TTC7A: variants seen among roughly 807,000 people sequenced by gnomAD.
TTC7A encodes the protein tetratricopeptide repeat domain 7A, also known as tetratricopeptide repeat protein 7A.
Under a neutral mutation model 103.7 loss-of-function variants are expected in TTC7A, and 110 were observed. The ratio of observed to expected loss-of-function variants is 1.06; its 90% CI spans 0.91 to 1.24. TTC7A has a LOEUF of 1.24. Among genes scored for constraint, TTC7A ranks in the 50% most tolerant of loss-of-function variants. The pLI is 0.00. For synonymous variants in TTC7A, 521 were observed against 467.9 expected, an observed-to-expected ratio of 1.11 and a Z score of -1.47; for missense variants, 1,340 against 1,116.3, an observed-to-expected ratio of 1.20 and a Z score of -2.86.
At chr2:46,986,000 C>A (rs914273755) in intron 5 of TTC7A, among the ~76,000 whole-genome samples, 20 of 152,310 alleles carry the variant, frequency 1.3e-4, no homozygotes, top group African/African-American at 4.8e-4. Flanking sequence ...AGCACCATCC[C>A]CCCACTCGCC....
chr2:46,932,068 A>T (rs1474860846), intron 2 of TTC7A, among the ~76,000 whole-genome samples: 1 of 152,224 alleles, frequency 6.6e-6, no homozygotes, highest in East Asian at 1.9e-4. Context: ...TAATGTTTTT[A>T]AAAAACCTTT....
chr2:47,020,575 C>T (rs1679182689), intron 11 of TTC7A, among the ~76,000 whole-genome samples: 1 of 152,366 alleles, frequency 6.6e-6, no homozygotes, highest in Admixed American at 6.5e-5. Flanking sequence ...CTTGAGCTCG[C>T]CCACAAGGTG....
At chr2:47,070,681 A>C (rs1684603530) in intron 19 of TTC7A, among the ~76,000 whole-genome samples, 1 of 152,090 alleles carries the variant, frequency 6.6e-6, no homozygotes, top group African/African-American at 2.4e-5. Flanking sequence ...ATGTGGCCAC[A>C]CATCCCCACT....
chr2:47,057,230 C>G (rs1683395319), intron 18 of TTC7A, among the ~76,000 whole-genome samples: 1 of 152,204 alleles, frequency 6.6e-6, no homozygotes, highest in Non-Finnish European at 1.5e-5. Flanking sequence ...TGGAGGCTGG[C>G]CCTGCTGGGC....
intron 10 of TTC7A, among the ~76,000 whole-genome samples, chr2:47,009,463 G>T (rs766244415): frequency 2.0e-5 from 3 of 152,096 alleles, no homozygotes; most frequent in Admixed American, 2.0e-4. Context: ...AAAGACACCC[G>T]CAATTAACCT....
intron 11 of TTC7A, among the ~76,000 whole-genome samples, chr2:47,018,453 G>A (rs1181093846): frequency 2.0e-5 from 3 of 151,838 alleles, no homozygotes; most frequent in African/African-American, 2.4e-5. Flanking sequence ...GTGTGGTGGT[G>A]TGTGCCTCTA....
chr2:46,975,373 G>T (rs1389548462), intron 4 of TTC7A, among the ~76,000 whole-genome samples: 1 of 152,034 alleles, frequency 6.6e-6, no homozygotes, highest in East Asian at 1.9e-4. Context: ...TGAATCATTT[G>T]CTCACCATTT....
intron 11 of TTC7A, among the ~76,000 whole-genome samples, chr2:47,021,252 C>T (rs955631680): frequency 7.2e-5 from 11 of 152,192 alleles, no homozygotes; most frequent in African/African-American, 1.9e-4. Context: ...CCCCCTAAAC[C>T]GGCCTGACTC....
chr2:46,917,102 C>T (rs1027767486), intron 1 of TTC7A: 3 of 688,488 alleles, frequency 4.4e-6, no homozygotes, highest in Admixed American at 2.1e-5. Flanking sequence ...TTCCTTTTCC[C>T]ACCTTCATCT....
chr2:47,047,343 C>T lies in TTC7A; in HGVS notation c.1919+912C>T, dbSNP rs933911649. 6 of 1,540,896 alleles carry T rather than the reference C, an allele frequency of 3.9e-6. No individual in the cohort carries two copies. The African/African-American group carries it at 8.2e-5, about 21-fold the overall frequency. ...AGTGAAATTTACAGAGGAGGGTAAT[C>T]AGACAGAGTAAAACACCTTGGGCAA... On this transcript the variant is annotated intron_variant, in intron 16 of 19. Transcript: ENST00000319190.
intron 2 of TTC7A, among the ~76,000 whole-genome samples, chr2:46,917,697 G>A (rs1418929839): frequency 6.6e-6 from 1 of 152,086 alleles, no homozygotes; most frequent in Non-Finnish European, 1.5e-5. Context: ...ATATAAACTT[G>A]CTGTATTTTC....
intron 4 of TTC7A, 162 bp from the exon 5 acceptor site, chr2:46,978,628 CAT>C (rs1468509321): frequency 1.6e-5 from 8 of 484,978 alleles, no homozygotes; most frequent in Non-Finnish European, 3.0e-5. Context: ...ATGCTTTAGA[CAT>C]ATTTTGAGTT....
At chr2:47,012,680 G>A (rs928165013) in intron 11 of TTC7A, among the ~76,000 whole-genome samples, 6 of 152,152 alleles carry the variant, frequency 3.9e-5, no homozygotes, top group African/African-American at 1.4e-4. Context: ...TTCTTCCCTG[G>A]GATTGGAAAC....
upstream of TTC7A, among the ~76,000 whole-genome samples, chr2:46,937,921 T>G (rs1263206376): frequency 6.6e-6 from 1 of 152,140 alleles, no homozygotes; most frequent in African/African-American, 2.4e-5. The surrounding 1 kb of genome is among the most constrained non-coding windows in gnomAD (Gnocchi z 4.0). Flanking sequence ...AGAAAACTAC[T>G]GTGTATATAT....
chr2:47,029,162 G>A (rs761565173), intron 14 of TTC7A, 62 bp from the exon 15 acceptor site: 74 of 1,587,490 alleles, frequency 4.7e-5, no homozygotes, highest in Non-Finnish European at 6.1e-5. Context: ...CTGGCACGTG[G>A]CTCCTGAGTC....
At chr2:46,953,764 G>A (rs1572708183) in intron 2 of TTC7A, among the ~76,000 whole-genome samples, 1 of 151,916 alleles carries the variant, frequency 6.6e-6, no homozygotes, top group African/African-American at 2.4e-5. Flanking sequence ...GGCCTCCAAG[G>A]AACCTTCTGC....
intron 2 of TTC7A, among the ~76,000 whole-genome samples, chr2:46,923,885 A>C (rs1669242886): frequency 6.6e-6 from 1 of 152,074 alleles, no homozygotes; most frequent in Non-Finnish European, 1.5e-5. Flanking sequence ...GGCGCCTGCC[A>C]CCACGCCCAG....
chr2:46,969,413 A>C (rs1390291371), intron 3 of TTC7A, among the ~76,000 whole-genome samples: 1 of 151,404 alleles, frequency 6.6e-6, no homozygotes, highest in Admixed American at 6.6e-5. Context: ...AGGCTGAGGC[A>C]GGAGAATGGC....
intron 18 of TTC7A, among the ~76,000 whole-genome samples, chr2:47,056,175 T>C (rs553567737): frequency 6.6e-6 from 1 of 152,340 alleles, no homozygotes. Context: ...TTCTCCATTC[T>C]AGTCCCCTTG....
Sources: allele counts gnomAD v4.1 joint callset (sites outside exome capture counted in the v4.1 genomes callset), GRCh38; gene constraint gnomAD v4.1.1; non-coding constraint Gnocchi (gnomAD v3.1); transcripts MANE v1.5; gene names NCBI Gene and HGNC (gene_info 2026-07-23, HGNC 2026-07-21).